Variants in CUX1 observed in about 807,000 individuals in gnomAD.
The protein encoded by CUX1 is cut like homeobox 1.
A neutral mutation model predicts 158.8 loss-of-function variants in CUX1; 31 were observed. The observed-to-expected ratio is 0.20, with a 90% confidence interval of 0.15 to 0.26. The LOEUF (loss-of-function observed/expected upper bound fraction) is 0.26. CUX1 is among the 10% of genes least tolerant of loss of function. The probability of loss-of-function intolerance (pLI) is 1.00; values close to 1 mark genes in which losing one functional copy is unlikely to be tolerated. For synonymous variants in CUX1, 879 were observed against 862.1 expected, an observed-to-expected ratio of 1.02 and a Z score of -0.34; for missense variants, 1,589 against 2,014.6, an observed-to-expected ratio of 0.79 and a Z score of 4.04.
chr7:102,265,817 A>T (rs528629665), intron 14 of CUX1, among the ~76,000 whole-genome samples: 1 of 152,114 alleles, frequency 6.6e-6, no homozygotes, highest in Non-Finnish European at 1.5e-5. Context: ...GGCTGATGCC[A>T]TCATCACAAT....
At position 102,250,931 on chromosome 7, in the gene CUX1, C is replaced by T. The variant is rs1400197395; in HGVS notation, c.*1889C>T. 1.0e-6 allele frequency: 1 copy of T among 979,584 alleles called. No individual in the cohort carries two copies. The highest frequency in any genetic ancestry group is 1.2e-6 in the Non-Finnish European group (1 of 824,920). 60.7% of individuals were successfully genotyped at this position (979,584 alleles called of 1,614,324 possible). On this transcript the variant is annotated 3_prime_UTR_variant, in exon 24 of 24. Coordinates refer to ENST00000292535, the MANE Select transcript of CUX1 (RefSeq NM_181552.4). Reference sequence around the variant, plus strand: ...TTGCTAATTTAGACTTCTTTATTGCCATATCTTTAAACTAACAATAGATGA... The same window carrying T: ...TTGCTAATTTAGACTTCTTTATTGCTATATCTTTAAACTAACAATAGATGA...
At chr7:101,974,407 T>C (rs1467474562) in intron 2 of CUX1, among the ~76,000 whole-genome samples, 2 of 152,156 alleles carry the variant, frequency 1.3e-5, no homozygotes, top group Non-Finnish European at 2.9e-5. Context: ...AAAGTTCTTA[T>C]GAAATGTGAA....
At chr7:101,974,065 G>A (rs1268499615) in intron 2 of CUX1, among the ~76,000 whole-genome samples, 1 of 150,916 alleles carries the variant, frequency 6.6e-6, no homozygotes, top group Non-Finnish European at 1.5e-5. Flanking sequence ...ACTGCGCCCG[G>A]CCCAGATTCT....
chr7:102,273,995 G>C (rs1791417741), intron 15 of CUX1, among the ~76,000 whole-genome samples: 1 of 152,258 alleles, frequency 6.6e-6, no homozygotes, highest in Non-Finnish European at 1.5e-5. Context: ...TCAAAGCTGA[G>C]TGGCTGCGAG....
At chr7:101,900,455 A>C (rs1439052565) in intron 1 of CUX1, among the ~76,000 whole-genome samples, 1 of 152,240 alleles carries the variant, frequency 6.6e-6, no homozygotes, top group Non-Finnish European at 1.5e-5. Flanking sequence ...CACTCGCTGA[A>C]TGCGGCACCG....
intron 8 of CUX1, among the ~76,000 whole-genome samples, chr7:102,125,121 C>T (rs781934357): frequency 7.9e-5 from 12 of 152,122 alleles, no homozygotes; most frequent in Admixed American, 2.6e-4. Context: ...CTCAAAAGAC[C>T]GGCTTTATCC....
intron 2 of CUX1, among the ~76,000 whole-genome samples, chr7:101,952,346 A>C (rs1291262167): frequency 6.6e-6 from 1 of 152,164 alleles, no homozygotes; most frequent in Non-Finnish European, 1.5e-5. Context: ...GCGCCACTGC[A>C]CTCCAGCCTG....
chr7:102,181,279 G>C (rs575454958), intron 11 of CUX1, among the ~76,000 whole-genome samples: 125 of 152,048 alleles, frequency 8.2e-4, no homozygotes, highest in African/African-American at 2.7e-3. Context: ...TCTCTCATCA[G>C]CTTACCCAAT....
At chr7:102,211,916 G>A (rs2132148185) in intron 20 of CUX1, among the ~76,000 whole-genome samples, 1 of 152,254 alleles carries the variant, frequency 6.6e-6, no homozygotes, top group South Asian at 2.1e-4. Context: ...AGTCCCGGCT[G>A]ATGAGATGAG....
chr7:101,886,002 TC>T (rs1437423950), intron 1 of CUX1, among the ~76,000 whole-genome samples: 1 of 152,112 alleles, frequency 6.6e-6, no homozygotes, highest in Non-Finnish European at 1.5e-5. Context: ...CATCTGGAAT[TC>T]CAGCCTGTGC....
In CUX1 at chr7:102,188,295, G is replaced by T. The variant is rs564364467; in HGVS notation, c.1018-1518G>T. On this transcript the variant is annotated intron_variant, in intron 11 of 23. Transcript: ENST00000292535. ...CGGAAATGACAATTGTTCACCTCTA[G>T]CTTGGAAACATGCTGAATGGCCAGA... Among the ~76,000 whole-genome samples, 6 of 152,232 alleles carry T rather than the reference G, an allele frequency of 3.9e-5. 1 individual carries two copies.
At chr7:102,030,407 C>G (rs1563152692) in intron 3 of CUX1, among the ~76,000 whole-genome samples, 1 of 142,998 alleles carries the variant, frequency 7.0e-6, no homozygotes, top group Admixed American at 7.0e-5. Context: ...GCTGAACATT[C>G]AGAAGTAAGT....
chr7:102,009,250 A>G (rs1817718217), intron 2 of CUX1, among the ~76,000 whole-genome samples: 1 of 152,118 alleles, frequency 6.6e-6, no homozygotes, highest in African/African-American at 2.4e-5. Flanking sequence ...GGCTGTTTGG[A>G]AGCATCTAGA....
chr7:102,279,355 G>A (rs560892858), intron 18 of CUX1, among the ~76,000 whole-genome samples: 39 of 152,120 alleles, frequency 2.6e-4, no homozygotes, highest in Middle Eastern at 3.4e-3. Context: ...AAATAAATAA[G>A]CAATAATAAA....
At chr7:102,138,676 G>A (rs1341637436) in intron 8 of CUX1, among the ~76,000 whole-genome samples, 4 of 152,082 alleles carry the variant, frequency 2.6e-5, no homozygotes, top group Non-Finnish European at 5.9e-5. Context: ...TCTTTTATAA[G>A]ATACTCTGGA....
intron 23 of CUX1, among the ~76,000 whole-genome samples, chr7:102,242,205 CTTTTTTT>C (rs67514665): frequency 1.1e-4 from 10 of 93,072 alleles, no homozygotes; most frequent in African/African-American, 3.1e-4. Flanking sequence ...TTCTTTCTTT[CTTTTTTT>C]TTTTTTTTTT....
downstream of CUX1, among the ~76,000 whole-genome samples, chr7:102,259,889 A>G (rs1377782458): frequency 6.6e-6 from 1 of 151,862 alleles, no homozygotes; most frequent in Admixed American, 6.6e-5. Flanking sequence ...TGAGCCCAGG[A>G]GTTTGAGACC....
Position 101,928,065 on chromosome 7 carries a change from G to A in CUX1, c.141+11840G>A, listed in dbSNP as rs1175248004. 2.0e-5 allele frequency among the ~76,000 whole-genome samples: 3 copies of A among 152,190 alleles called. No homozygotes were observed. In the East Asian group the frequency reaches 5.8e-4, roughly 29 times the overall value. On this transcript the variant is annotated intron_variant, in intron 2 of 23. Coordinates refer to ENST00000292535, the MANE Select transcript of CUX1 (RefSeq NM_181552.4). ...AGCCGTTTTTACAGGGCTATTTTAA[G>A]TATAAAAGACGCATTATCTGAGAGT...
intron 1 of CUX1, among the ~76,000 whole-genome samples, chr7:101,902,378 G>T (rs1802249210): frequency 6.6e-6 from 1 of 152,196 alleles, no homozygotes. Context: ...AGAACTCTCT[G>T]TGTTGATTAA....
Sources: gnomAD v4.1 joint callset for allele counts (sites outside exome capture counted in the v4.1 genomes callset) on GRCh38, gnomAD v4.1.1 for gene constraint, MANE v1.5 for transcripts, NCBI Gene and HGNC (gene_info 2026-07-23, HGNC 2026-07-21) for gene names.